UBN1: variants seen among roughly 807,000 people sequenced by gnomAD.
The protein encoded by UBN1 is ubinuclein-1.
UBN1 carries 17 observed loss-of-function variants against 108.5 expected under a neutral mutation model. That is an observed-to-expected ratio of 0.16 (90% CI 0.11 to 0.24). UBN1 has a LOEUF of 0.24. UBN1 is among the 10% of genes least tolerant of loss of function. The pLI, the probability that UBN1 is intolerant of heterozygous loss-of-function variation, is 1.00. For synonymous variants in UBN1, 726 were observed against 564.2 expected, an observed-to-expected ratio of 1.29 and a Z score of -4.07; for missense variants, 1,595 against 1,394.4, an observed-to-expected ratio of 1.14 and a Z score of -2.29.
intron 6 of UBN1, 79 bp downstream of exon 6, chr16:4,860,047 C>T (rs1230600872): frequency 1.3e-6 from 2 of 1,569,672 alleles, no homozygotes; most frequent in East Asian, 2.3e-5. Context: ...TCACCTCCTC[C>T]CCACAGCTTC....
rs571684148 is a variant in UBN1, at chr16:4,861,898, C to G, written c.1110+796C>G. ...CGGAGGTTGTGGTGAGTGGAGATTG[C>G]GCCAGTGCACTCTAGCCTGGGCCAC... On this transcript the variant is annotated intron_variant, in intron 7 of 17. Transcript: ENST00000262376. Among the ~76,000 whole-genome samples the G allele has an allele frequency of 3.9e-5, 6 of 152,246 alleles. No individual in the cohort carries two copies. In the South Asian group the frequency reaches 1.2e-3, roughly 32 times the overall value.
At position 4,858,957 on chromosome 16, in the gene UBN1, A is replaced by G. The variant is rs74003518; in HGVS notation, c.433-68A>G. The G allele has an allele frequency of 4.9e-3, 7,734 of 1,576,420 alleles. 299 individuals carry two copies. The African/African-American group carries it at 0.089, about 18-fold the overall frequency. On this transcript the variant is annotated intron_variant, in intron 4 of 17. Transcript: ENST00000262376. ...GAGGAGCACAGTCACATCTCTCTCG[A>G]GACCCACTTTGCACCTTCGGACTGC...
intron 2 of UBN1, among the ~76,000 whole-genome samples, chr16:4,856,696 G>A (rs1025303911): frequency 5.3e-5 from 8 of 152,324 alleles, no homozygotes; most frequent in South Asian, 2.1e-4. Context: ...TTGGCAAGGC[G>A]TTCAGTAGTA....
In UBN1 at chr16:4,870,616, C is replaced by T. The variant is rs748962904; in HGVS notation, c.1412C>T (p.Thr471Met). 4.1e-5 allele frequency: 66 copies of T among 1,614,026 alleles called. No homozygotes were observed. Among genetic ancestry groups the T allele is most frequent in the Non-Finnish European group, 5.1e-5 (60 of 1,180,040 alleles). Residue 471 changes from threonine to methionine, a missense_variant, in exon 10 of 18, where the codon ACG becomes ATG. Physicochemically the swap from Thr to Met is moderately conservative, Grantham distance 81. This residue lies in a region of UBN1 where 1,398 missense variants were observed against 1,194.7 expected (regional missense o/e 1.17). Transcript: ENST00000262376. ...TACCAGGACGAATGCCAGGCACACACGCAGGCAAAGGTTGCCAAGTAAGTT... is the reference window on the plus strand; with the variant it reads ...TACCAGGACGAATGCCAGGCACACATGCAGGCAAAGGTTGCCAAGTAAGTT... ...AKYQDECQAH[T>M]QAKVAKMLEE...
Position 4,870,653 on chromosome 16 carries a change from T to C in UBN1, c.1430+19T>C. On this transcript the variant is annotated intron_variant, in intron 10 of 17. Coordinates refer to ENST00000262376, the MANE Select transcript of UBN1 (RefSeq NM_001079514.3). ...TTGCCAAGTAAGTTTGTCCTGGCGC[T>C]TGCAGGTGCAACCCTCCCGTCTTGC... 6.2e-7 allele frequency: 1 copy of C among 1,613,374 alleles called. No individual in the cohort carries two copies.
chr16:4,857,081 C>A (rs7201526), intron 2 of UBN1, among the ~76,000 whole-genome samples: 36,361 of 151,942 alleles, frequency 0.24, 4,632 homozygotes, highest in African/African-American at 0.32. Context: ...GTGGCTCTCG[C>A]CTGTAATCCC....
chr16:4,870,735 C>A, intron 10 of UBN1, 101 bp downstream of exon 10: 1 of 1,585,372 alleles, frequency 6.3e-7, no homozygotes, highest in Non-Finnish European at 8.6e-7. Context: ...CCTCTTGGCT[C>A]TTCTTTGGCC....
Position 4,855,776 on chromosome 16 carries a change from G to A in UBN1, c.250-2214G>A, listed in dbSNP as rs61676170. Among the ~76,000 whole-genome samples the A allele has an allele frequency of 3.8e-3, 575 of 152,136 alleles. 1 individual carries two copies. The highest frequency in any genetic ancestry group is 5.1e-3 in the African/African-American group (212 of 41,502). On this transcript the variant is annotated intron_variant, in intron 2 of 17. Transcript: ENST00000262376. ...TCTACTAAAAATACAAAAATTAGCC[G>A]GGTGTGGTAGTGCATGCATGTAATC...
At chr16:4,874,177 C>T in intron 14 of UBN1, 34 bp from the exon 15 acceptor site, 1 of 1,514,204 alleles carries the variant, frequency 6.6e-7, no homozygotes, top group Non-Finnish European at 8.8e-7. Flanking sequence ...ATCTTTGGAC[C>T]TTTCTAAACA....
Position 4,858,067 on chromosome 16 carries a change from A to G in UBN1, c.327A>G (p.Glu109=). The change falls in exon 3 of 18, where the codon GAA becomes GAG. Residue 109 remains glutamate, a synonymous_variant. Coordinates refer to ENST00000262376, the MANE Select transcript of UBN1 (RefSeq NM_001079514.3). ...HKVEALARKF[E]EKYGGKKRRK... The stretch of plus-strand genomic sequence containing the variant: ...TAGAGGCCCTTGCCCGAAAATTTGA[A>G]GAAAAATACGTAAGATTTCTCTCTT... 1 of 1,610,250 alleles carries G rather than the reference A, an allele frequency of 6.2e-7. No individual in the cohort carries two copies. Among genetic ancestry groups the G allele is most frequent in the East Asian group, 2.2e-5 (1 of 44,862 alleles).
At chr16:4,855,318 A>C (rs763615338) in intron 2 of UBN1, among the ~76,000 whole-genome samples, 4 of 152,160 alleles carry the variant, frequency 2.6e-5, no homozygotes, top group Non-Finnish European at 4.4e-5. Flanking sequence ...TGAGATTAAA[A>C]AAATGTGTTT....
chr16:4,863,563 G>A (rs888987965), intron 7 of UBN1, among the ~76,000 whole-genome samples: 5 of 151,820 alleles, frequency 3.3e-5, no homozygotes, highest in Admixed American at 6.6e-5. Context: ...TATGTAACTG[G>A]GACATTAGCA....
chr16:4,849,296 G>A (rs1002087496), intron 1 of UBN1, among the ~76,000 whole-genome samples: 5 of 152,056 alleles, frequency 3.3e-5, no homozygotes, highest in African/African-American at 4.8e-5. Context: ...TTTTGGAAAA[G>A]GGAAGACAGA....
At chr16:4,857,359 A>G (rs1410262001) in intron 2 of UBN1, among the ~76,000 whole-genome samples, 3 of 149,664 alleles carry the variant, frequency 2.0e-5, no homozygotes, top group African/African-American at 7.6e-5. Context: ...CTCAAAAAAA[A>G]AAAAAAAAAA....
Position 4,877,563 on chromosome 16 carries a change from T to G in UBN1, c.3355+89T>G. On this transcript the variant is annotated intron_variant, in intron 17 of 17. Coordinates refer to ENST00000262376, the MANE Select transcript of UBN1 (RefSeq NM_001079514.3). This position sits in a 1 kb window ranked among gnomAD's most constrained non-coding sequence, Gnocchi z 4.3. ...GCTTTGCCGCTGCCAAGGGTCTTGG[T>G]GTCTTTGCCTTGACGCTGTTGTTGT... 2 of 1,478,420 alleles carry G rather than the reference T, an allele frequency of 1.4e-6. No individual in the cohort carries two copies. The highest frequency in any genetic ancestry group is 2.7e-5 in the South Asian group (2 of 72,892). The allele number at this position is 1,478,420 out of a possible 1,614,324, so 91.6% of individuals were successfully genotyped here. A position where few individuals can be genotyped will look rare whatever the true frequency, so the allele number is the denominator to read the frequency against.
intron 7 of UBN1, among the ~76,000 whole-genome samples, chr16:4,862,234 G>A (rs998377857): frequency 6.6e-6 from 1 of 152,176 alleles, no homozygotes; most frequent in African/African-American, 2.4e-5. Flanking sequence ...AATATCCTTT[G>A]TGTTTTAGGG....
At chr16:4,867,658 T>G (rs2087402381) in intron 7 of UBN1, among the ~76,000 whole-genome samples, 1 of 152,004 alleles carries the variant, frequency 6.6e-6, no homozygotes, top group African/African-American at 2.4e-5. Flanking sequence ...TGGGTTCTAG[T>G]GAGAATCCTG....
In UBN1 at chr16:4,877,169, T is replaced by C. The variant is rs370757205; in HGVS notation, c.3265+58T>C. 3.2e-6 allele frequency: 5 copies of C among 1,547,470 alleles called. No homozygotes were observed. Among genetic ancestry groups the C allele is most frequent in the African/African-American group, 2.7e-5 (2 of 73,026 alleles). On this transcript the variant is annotated intron_variant, in intron 16 of 17. Coordinates refer to ENST00000262376, the MANE Select transcript of UBN1 (RefSeq NM_001079514.3). The surrounding 1 kb of genome is among the most constrained non-coding windows in gnomAD (Gnocchi z 4.3). ...GGAACCTCTAGATTGTGGCCAGGGGTCCTGCTGTTGTGTACTCTGGTTCCT... is the reference window on the plus strand; with the variant it reads ...GGAACCTCTAGATTGTGGCCAGGGGCCCTGCTGTTGTGTACTCTGGTTCCT...
chr16:4,849,544 A>G (rs1470040628), intron 1 of UBN1, among the ~76,000 whole-genome samples: 6 of 151,904 alleles, frequency 3.9e-5, no homozygotes, highest in Non-Finnish European at 5.9e-5. Context: ...GAAGGCTAGT[A>G]TTTTCTCAGT....
Sources: gnomAD v4.1 joint callset for allele counts (sites outside exome capture counted in the v4.1 genomes callset) on GRCh38, gnomAD v4.1.1 for gene constraint, gnomAD v4.1.1 regional missense constraint, Gnocchi (gnomAD v3.1) non-coding constraint, MANE v1.5 for transcripts, NCBI Gene and HGNC (gene_info 2026-07-23, HGNC 2026-07-21) for gene names.